SELENOM: variants seen among roughly 807,000 people sequenced by gnomAD.
SELENOM encodes the protein selenoprotein SelM.
A neutral mutation model predicts 14.5 loss-of-function variants in SELENOM; 17 were observed. That is an observed-to-expected ratio of 1.17 (90% CI 0.80 to 1.76). The LOEUF (loss-of-function observed/expected upper bound fraction) is 1.76. SELENOM is among the 40% of genes most tolerant of loss of function. The pLI is 0.00. For missense variants in SELENOM, 230 were observed against 204.6 expected (o/e 1.12, Z -0.76); for synonymous variants, 102 against 93.3 (o/e 1.09, Z -0.54).
rs1255149875 is a variant in SELENOM, at chr22:31,105,143, G to T, written c.280-15C>A. The stretch of plus-strand genomic sequence containing the variant: ...AGTGGGATGCGCTGAGGCGGAGGAG[G>T]GGCGGGGTCAGCAGGCTGGGCCTCG... On this transcript the variant is annotated splice_polypyrimidine_tract_variant and intron_variant, in intron 4 of 4. Transcript: ENST00000400299. 1 of 1,613,468 alleles carries T rather than the reference G, an allele frequency of 6.2e-7. No individual in the cohort carries two copies. Among genetic ancestry groups the T allele is most frequent in the South Asian group, 1.1e-5 (1 of 91,084 alleles).
rs377425227 is a variant in SELENOM at position 31,105,051 on chromosome 22, C to A, written c.357G>T (p.Ala119=). 15 of 1,611,932 alleles carry A rather than the reference C, an allele frequency of 9.3e-6. No homozygotes were observed. Among genetic ancestry groups the A allele is most frequent in the Non-Finnish European group, 1.3e-5 (15 of 1,179,574 alleles). ...VQELGFYRKA[A]PDAQVPPEYV... is the part of the protein sequence containing the mutation. Reference sequence around the variant, plus strand: ...ACTCGGGGGGCACCTGCGCGTCGGGCGCCGCCTTGCGGTAGAAGCCGAGCT... The same window carrying A: ...ACTCGGGGGGCACCTGCGCGTCGGGAGCCGCCTTGCGGTAGAAGCCGAGCT... The change falls in exon 5 of 5, where the codon GCG becomes GCT. Residue 119 remains alanine, a synonymous_variant. Coordinates refer to ENST00000400299, the MANE Select transcript of SELENOM (RefSeq NM_080430.4).
rs1569275726 is a variant in SELENOM, at chr22:31,105,206, A to T, written c.279+2T>A. The stretch of plus-strand genomic sequence containing the variant: ...CCCCCAGCCCACCTCCCACGGCCTC[A>T]CCTCTAGTTCCTCGTAGCGGCGGCC... On this transcript the variant is annotated splice_donor_variant, in intron 4 of 4. Coordinates refer to ENST00000400299, the MANE Select transcript of SELENOM (RefSeq NM_080430.4). LOFTEE classifies it high-confidence loss of function. The T allele has an allele frequency of 6.2e-7, 1 of 1,613,198 alleles. No individual in the cohort carries two copies. Among genetic ancestry groups the T allele is most frequent in the East Asian group, 2.2e-5 (1 of 44,836 alleles).
In SELENOM at chr22:31,107,362, G is replaced by C. The variant is rs1253001286; in HGVS notation, c.129+15C>G. Reference sequence around the variant, plus strand: ...GGGGAACGATAGTGCCGGGGCTGGAGGCCGGCGTACTCACCTCTACCCGGG... The same window carrying C: ...GGGGAACGATAGTGCCGGGGCTGGACGCCGGCGTACTCACCTCTACCCGGG... On this transcript the variant is annotated intron_variant, in intron 1 of 4. Coordinates refer to ENST00000400299, the MANE Select transcript of SELENOM (RefSeq NM_080430.4). The C allele has an allele frequency of 2.5e-6, 4 of 1,588,808 alleles. No homozygotes were observed. Among genetic ancestry groups the C allele is most frequent in the Non-Finnish European group, 1.7e-6 (2 of 1,169,182 alleles).
intron 3 of SELENOM, 63 bp from the exon 4 acceptor site, chr22:31,105,349 C>G: frequency 6.8e-7 from 1 of 1,462,338 alleles, no homozygotes; most frequent in Non-Finnish European, 9.4e-7. Flanking sequence ...CGCAGCCTTA[C>G]TGATGGGAAC....
chr22:31,105,210 C>A lies in SELENOM; in HGVS notation c.277G>T (p.Glu93Ter). 6.2e-7 allele frequency: 1 copy of A among 1,612,602 alleles called. No individual in the cohort carries two copies. The highest frequency in any genetic ancestry group is 8.5e-7 in the Non-Finnish European group (1 of 1,178,950). ...CAGCCCACCTCCCACGGCCTCACCT[C>A]TAGTTCCTCGTAGCGGCGGCCCAGC... ...VLLGRRYEEL[E>*]RIPLSEMTRE... is the part of the protein sequence containing the mutation. Residue 93 changes from glutamate (E) to a stop codon, truncating the protein, a stop_gained and splice_region_variant, in exon 4 of 5, where the codon GAG becomes TAG. Transcript: ENST00000400299. LOFTEE classifies it high-confidence loss of function.
intron 1 of SELENOM, chr22:31,107,023 A>G (rs1001835513): frequency 6.6e-5 from 12 of 181,368 alleles, no homozygotes; most frequent in African/African-American, 2.4e-5. Context: ...TCGGGGGGGA[A>G]TTCCAGGAAA....
chr22:31,107,274 G>T, intron 1 of SELENOM, 103 bp downstream of exon 1: 19 of 1,365,162 alleles, frequency 1.4e-5, no homozygotes, highest in Non-Finnish European at 1.8e-5. Flanking sequence ...AAAGCAGGGA[G>T]ACTCGCGGTT....
Position 31,105,140 on chromosome 22 carries a change from G to A in SELENOM, c.280-12C>T, listed in dbSNP as rs1569275638. The stretch of plus-strand genomic sequence containing the variant: ...CTGAGTGGGATGCGCTGAGGCGGAG[G>A]AGGGGCGGGGTCAGCAGGCTGGGCC... On this transcript the variant is annotated splice_polypyrimidine_tract_variant and intron_variant, in intron 4 of 4. Transcript: ENST00000400299. 1 of 1,613,448 alleles carries A rather than the reference G, an allele frequency of 6.2e-7. No homozygotes were observed. Among genetic ancestry groups the A allele is most frequent in the South Asian group, 1.1e-5 (1 of 91,084 alleles).
intron 1 of SELENOM, chr22:31,107,077 T>G: frequency 3.2e-6 from 1 of 308,192 alleles, no homozygotes; most frequent in Non-Finnish European, 6.1e-6. Flanking sequence ...GGATTGGGAG[T>G]CATAGGCCAC....
intron 1 of SELENOM, chr22:31,106,516 G>A: frequency 5.9e-6 from 1 of 168,266 alleles, no homozygotes; most frequent in Non-Finnish European, 1.3e-5. Flanking sequence ...GCTCCTCCCT[G>A]CCTTCCCTGA....
Position 31,105,647 on chromosome 22 carries a change from C to G in SELENOM, c.200+11G>C. ...CCATCCCATTTCCCCTCCCCCAGAA[C>G]AGAAGGATACTAGAATGGAATGTCC... On this transcript the variant is annotated intron_variant, in intron 3 of 4. Coordinates refer to ENST00000400299, the MANE Select transcript of SELENOM (RefSeq NM_080430.4). 1.9e-6 allele frequency: 3 copies of G among 1,613,864 alleles called. No individual in the cohort carries two copies. The highest frequency in any genetic ancestry group is 2.5e-6 in the Non-Finnish European group (3 of 1,179,770).
chr22:31,105,139 G>C lies in SELENOM; in HGVS notation c.280-11C>G, dbSNP rs1281864814. 6.2e-7 allele frequency: 1 copy of C among 1,613,466 alleles called. No homozygotes were observed. The highest frequency in any genetic ancestry group is 8.5e-7 in the Non-Finnish European group (1 of 1,179,782). On this transcript the variant is annotated splice_polypyrimidine_tract_variant and intron_variant, in intron 4 of 4. Coordinates refer to ENST00000400299, the MANE Select transcript of SELENOM (RefSeq NM_080430.4). ...ACTGAGTGGGATGCGCTGAGGCGGA[G>C]GAGGGGCGGGGTCAGCAGGCTGGGC...
chr22:31,104,929 G>A lies in SELENOM; in HGVS notation c.*41C>T. ...GCTGAGCGCTTCATTCTGTCTCCAG[G>A]ACTCAGGCAGGTAGGTCCCAGCTCC... On this transcript the variant is annotated 3_prime_UTR_variant, in exon 5 of 5. Transcript: ENST00000400299. The A allele has an allele frequency of 6.6e-7, 1 of 1,517,582 alleles. No individual in the cohort carries two copies. Among genetic ancestry groups the A allele is most frequent in the Non-Finnish European group, 8.8e-7 (1 of 1,136,102 alleles). The allele number at this position is 1,517,582 out of a possible 1,614,324, so 94.0% of individuals were successfully genotyped here. A position where few individuals can be genotyped will look rare whatever the true frequency, so the allele number is the denominator to read the frequency against.
chr22:31,107,491 C>A lies in SELENOM; in HGVS notation c.15G>T (p.Leu5Phe). MSLL[L>F]PPLALLLLLA... is the part of the protein sequence containing the mutation. ...GAAGCAGCAGCAGCGCCAGCGGAGG[C>A]AACAGGAGGCTCATCGGGACCCGGC... The change falls in exon 1 of 5, where the codon TTG becomes TTT. Residue 5 changes from leucine (L) to phenylalanine (F), a missense_variant. Coordinates refer to ENST00000400299, the MANE Select transcript of SELENOM (RefSeq NM_080430.4). 1.3e-6 allele frequency: 2 copies of A among 1,553,230 alleles called. No individual in the cohort carries two copies. The highest frequency in any genetic ancestry group is 2.4e-5 in the East Asian group (1 of 41,390).
Position 31,107,540 on chromosome 22 carries a change from GCGAACCTC to G in SELENOM, c.-43_-36del. 6.6e-7 allele frequency: 1 copy of G among 1,505,310 alleles called. No individual in the cohort carries two copies. 93.2% of individuals were successfully genotyped at this position (1,505,310 alleles called of 1,614,324 possible). A position where few individuals can be genotyped will look rare whatever the true frequency, so the allele number is the denominator to read the frequency against. On this transcript the variant is annotated 5_prime_UTR_variant, in exon 1 of 5. Coordinates refer to ENST00000400299, the MANE Select transcript of SELENOM (RefSeq NM_080430.4). ...GCCGCAGATGATGCGCAAGCTGGAG[GCGAACCTC>G]CGAGTCGCTGCGCCACGTCTGGGCC...
rs758196503 is a variant in SELENOM, at chr22:31,104,966, G to A, written c.*4C>T. On this transcript the variant is annotated 3_prime_UTR_variant, in exon 5 of 5. Transcript: ENST00000400299. ...TAGGTCCCAGCTCCGCCGCGCCCCCGGACCTACAGGTCAGCGTGGTCCGAA... is the reference window on the plus strand; with the variant it reads ...TAGGTCCCAGCTCCGCCGCGCCCCCAGACCTACAGGTCAGCGTGGTCCGAA... 3 of 1,561,030 alleles carry A rather than the reference G, an allele frequency of 1.9e-6. No individual in the cohort carries two copies. Among genetic ancestry groups the A allele is most frequent in the Non-Finnish European group, 2.6e-6 (3 of 1,156,808 alleles).
chr22:31,105,160 T>C, intron 4 of SELENOM, 32 bp from the exon 5 acceptor site: 1 of 1,613,128 alleles, frequency 6.2e-7, no homozygotes, highest in Non-Finnish European at 8.5e-7. Context: ...GTCAGCAGGC[T>C]GGGCCTCGCC....
Position 31,105,314 on chromosome 22 carries a change from G to C in SELENOM, c.201-28C>G, listed in dbSNP as rs940625063. The stretch of plus-strand genomic sequence containing the variant: ...GGAGGTGGTGTTAAGGAGCGGGGTG[G>C]TGGGCAGAGGGAGGTGGTGGTTTCC... On this transcript the variant is annotated intron_variant, in intron 3 of 4. Coordinates refer to ENST00000400299, the MANE Select transcript of SELENOM (RefSeq NM_080430.4). 6.9e-6 allele frequency: 11 copies of C among 1,589,426 alleles called. No homozygotes were observed. The African/African-American group carries it at 1.1e-4, about 16-fold the overall frequency.
intron 3 of SELENOM, 40 bp from the exon 4 acceptor site, chr22:31,105,326 A>AGGT: frequency 6.4e-7 from 1 of 1,570,106 alleles, no homozygotes; most frequent in African/African-American, 1.4e-5. Context: ...GGGCAGAGGG[A>AGGT]GGTGGTGGTT....
Sources: gnomAD v4.1 joint callset for allele counts on GRCh38, gnomAD v4.1.1 for gene constraint, MANE v1.5 for transcripts, NCBI Gene and HGNC (gene_info 2026-07-23, HGNC 2026-07-21) for gene names.